TCERG1L: variants seen among roughly 807,000 people sequenced by gnomAD.
TCERG1L encodes the protein transcription elongation regulator 1-like protein.
TCERG1L carries 37 observed loss-of-function variants against 56.3 expected under a neutral mutation model. That is an observed-to-expected ratio of 0.66 (90% CI 0.51 to 0.87). The LOEUF is 0.87. TCERG1L is among the 40% of genes least tolerant of loss of function. The pLI, the probability that TCERG1L is intolerant of heterozygous loss-of-function variation, is 0.00. For missense variants in TCERG1L, 799 were observed against 774.2 expected, an observed-to-expected ratio of 1.03 and a Z score of -0.38; for synonymous variants, 324 against 326.3, an observed-to-expected ratio of 0.99 and a Z score of 0.08.
intron 4 of TCERG1L, among the ~76,000 whole-genome samples, chr10:131,254,320 T>TATATATATATATATATATATATATATAG (rs999617923): frequency 6.7e-6 from 1 of 149,960 alleles, no homozygotes; most frequent in African/African-American, 2.4e-5. Flanking sequence ...TATATATATA[T>TATATATATATATATATATATATATATAG]AGTAAGTATT....
intron 9 of TCERG1L, among the ~76,000 whole-genome samples, chr10:131,106,411 A>G (rs560240966): frequency 3.3e-5 from 5 of 152,310 alleles, no homozygotes; most frequent in African/African-American, 1.2e-4. Flanking sequence ...TGGAACATGA[A>G]TACTCCTCAG....
chr10:131,294,113 T>C (rs557276446), intron 3 of TCERG1L, among the ~76,000 whole-genome samples: 1 of 152,260 alleles, frequency 6.6e-6, no homozygotes, highest in Admixed American at 6.5e-5. Flanking sequence ...AAGGAACCAG[T>C]ATCCCTGTTT....
chr10:131,280,497 G>A (rs1015486298), intron 3 of TCERG1L, among the ~76,000 whole-genome samples: 16 of 151,788 alleles, frequency 1.1e-4, no homozygotes, highest in African/African-American at 3.6e-4. Context: ...TCCAGTTCCT[G>A]ATGAGCCTCT....
In TCERG1L at chr10:131,250,598, A is replaced by G. The variant is rs1846099181; in HGVS notation, c.856+9661T>C. On this transcript the variant is annotated intron_variant, in intron 4 of 11. Transcript: ENST00000368642. ...TGGCTGTCACTCATCGCTTGCCTAG[A>G]TGTGAGTGGAGCCAGTCTTGAGCCA... Among the ~76,000 whole-genome samples, 6 of 152,068 alleles carry G rather than the reference A, an allele frequency of 3.9e-5. No individual in the cohort carries two copies. The South Asian group carries it at 1.2e-3, about 32-fold the overall frequency.
At chr10:131,236,962 C>T (rs78223495) in intron 4 of TCERG1L, among the ~76,000 whole-genome samples, 1,623 of 152,168 alleles carry the variant, frequency 0.011, 28 homozygotes, top group African/African-American at 0.027. Context: ...TAAAGCCATC[C>T]AGTCTCCCAT....
intron 3 of TCERG1L, among the ~76,000 whole-genome samples, chr10:131,282,374 A>C (rs1846469501): frequency 7.5e-6 from 1 of 133,532 alleles, no homozygotes; most frequent in African/African-American, 2.7e-5. Context: ...TTTTTTTAAG[A>C]GTCCTGATGC....
intron 4 of TCERG1L, among the ~76,000 whole-genome samples, chr10:131,220,308 T>A (rs1334162335): frequency 6.6e-6 from 1 of 152,084 alleles, no homozygotes; most frequent in African/African-American, 2.4e-5. Context: ...CCCAGCCCCA[T>A]CCTCCAGGGC....
chr10:131,147,575 C>T (rs1257547603), intron 6 of TCERG1L, among the ~76,000 whole-genome samples: 1 of 152,254 alleles, frequency 6.6e-6, no homozygotes, highest in East Asian at 1.9e-4. Flanking sequence ...GAGGCCCGTT[C>T]CAGGTGTGGA....
At chr10:131,291,408 T>TTTTTTTTTTTTTG in intron 3 of TCERG1L, among the ~76,000 whole-genome samples, 1 of 44,898 alleles carries the variant, frequency 2.2e-5, no homozygotes, top group African/African-American at 1.3e-4. Context: ...TTTCTTTTTT[T>TTTTTTTTTTTTTG]TTTTTTTTTT....
chr10:131,307,987 T>C (rs1342987971), intron 3 of TCERG1L, among the ~76,000 whole-genome samples: 1 of 152,126 alleles, frequency 6.6e-6, no homozygotes, highest in African/African-American at 2.4e-5. Context: ...CCTTCAGCCA[T>C]CTCTTCAACA....
chr10:131,240,172 T>C (rs1438301482), intron 4 of TCERG1L, among the ~76,000 whole-genome samples: 3 of 152,192 alleles, frequency 2.0e-5, no homozygotes, highest in Non-Finnish European at 4.4e-5. Flanking sequence ...GGAATGTGTA[T>C]TCTGAGCCTG....
chr10:131,273,218 T>C (rs1203676553), intron 3 of TCERG1L, among the ~76,000 whole-genome samples: 1 of 152,070 alleles, frequency 6.6e-6, no homozygotes, highest in Non-Finnish European at 1.5e-5. Context: ...GTAGACAGCC[T>C]GGGACCCCCA....
rs553495240 is a variant in TCERG1L, at chr10:131,117,356, C to T, written c.1260-422G>A. On this transcript the variant is annotated intron_variant, in intron 8 of 11. Coordinates refer to ENST00000368642, the MANE Select transcript of TCERG1L (RefSeq NM_174937.4). ...GTAAGGAGCAGGCTTTTCATCCGAA[C>T]AATCATTTCACTCACTCATCGCCCC... 1.9e-3 allele frequency among the ~76,000 whole-genome samples: 287 copies of T among 152,346 alleles called. 2 individuals carry two copies. The highest frequency in any genetic ancestry group is 6.8e-3 in the African/African-American group (282 of 41,582).
chr10:131,096,924 G>A (rs771968945), intron 11 of TCERG1L, among the ~76,000 whole-genome samples: 2 of 151,238 alleles, frequency 1.3e-5, no homozygotes. Context: ...TTCTGGCTGG[G>A]CATGGTGTCT....
chr10:131,124,618 C>T (rs1463328595), intron 8 of TCERG1L, among the ~76,000 whole-genome samples: 2 of 151,904 alleles, frequency 1.3e-5, no homozygotes, highest in South Asian at 2.1e-4. Context: ...GACTTTGAGA[C>T]CCAAGCAAGG....
chr10:131,146,689 C>T (rs755343834), intron 6 of TCERG1L, 29 bp from the exon 7 acceptor site: 22 of 1,596,920 alleles, frequency 1.4e-5, no homozygotes, highest in Admixed American at 6.9e-5. Context: ...TCATCTCAGT[C>T]GCTCTCGGAG....
intron 4 of TCERG1L, among the ~76,000 whole-genome samples, chr10:131,246,571 A>G (rs1320465230): frequency 6.6e-6 from 1 of 151,974 alleles, no homozygotes; most frequent in Non-Finnish European, 1.5e-5. Flanking sequence ...AGGACAAGTT[A>G]GGGGCTTGTG....
intron 3 of TCERG1L, among the ~76,000 whole-genome samples, chr10:131,294,584 A>G (rs969539555): frequency 2.0e-5 from 3 of 152,172 alleles, no homozygotes; most frequent in Non-Finnish European, 4.4e-5. Context: ...CCTAGCTCCC[A>G]CGCCAGGATT....
chr10:131,198,323 G>A (rs951183038), intron 4 of TCERG1L, among the ~76,000 whole-genome samples: 10 of 152,212 alleles, frequency 6.6e-5, no homozygotes, highest in Non-Finnish European at 1.2e-4. Context: ...ACTGGCTTCT[G>A]GCTCTTCACG....
Sources: allele counts gnomAD v4.1 joint callset (sites outside exome capture counted in the v4.1 genomes callset), GRCh38; gene constraint gnomAD v4.1.1; transcripts MANE v1.5; gene names NCBI Gene and HGNC (gene_info 2026-07-23, HGNC 2026-07-21).